Variants in SEL1L observed in about 807,000 individuals in gnomAD.
The protein encoded by SEL1L is protein sel-1 homolog 1.
A neutral mutation model predicts 109.8 loss-of-function variants in SEL1L; 52 were observed. The ratio of observed to expected loss-of-function variants is 0.47; its 90% CI spans 0.38 to 0.60. The LOEUF (loss-of-function observed/expected upper bound fraction) is 0.60. SEL1L is among the 20% of genes least tolerant of loss of function. SEL1L has a pLI of 0.00. For missense variants in SEL1L, 749 were observed against 962.2 expected (o/e 0.78, Z 2.93); for synonymous variants, 373 against 339.6 (o/e 1.10, Z -1.08).
intron 11 of SEL1L, among the ~76,000 whole-genome samples, chr14:81,493,871 C>T (rs1883639491): frequency 6.6e-6 from 1 of 152,220 alleles, no homozygotes; most frequent in Non-Finnish European, 1.5e-5. Context: ...AGATGTCACA[C>T]TCTCCTGGTT....
In SEL1L at chr14:81,517,539, C is replaced by G. The variant is rs183610927; in HGVS notation, c.340+9194G>C. On this transcript the variant is annotated intron_variant, in intron 3 of 20. Transcript: ENST00000336735. ...TTGCTACAATATCCTCCCCCACCTC[C>G]CTTCCTCCACTGCATTCCAGGATCT... is the stretch of plus-strand genomic sequence containing the variant. 3.3e-5 allele frequency among the ~76,000 whole-genome samples: 5 copies of G among 152,284 alleles called. No homozygotes were observed. The East Asian group carries it at 9.6e-4, about 29-fold the overall frequency.
intron 1 of SEL1L, among the ~76,000 whole-genome samples, chr14:81,533,457 T>C (rs539767111): frequency 6.6e-6 from 1 of 152,270 alleles, no homozygotes; most frequent in South Asian, 2.1e-4. Flanking sequence ...GAGAGAGGTG[T>C]GGGCAGGGTG....
intron 4 of SEL1L, 77 bp from the exon 5 acceptor site, chr14:81,504,383 G>A (rs952255368): frequency 4.9e-6 from 5 of 1,028,758 alleles, no homozygotes; most frequent in South Asian, 2.0e-5. Context: ...CTTTCTTTTG[G>A]GCAGTCATAC....
intron 3 of SEL1L, among the ~76,000 whole-genome samples, chr14:81,510,514 C>CTATATATATATATATATATATA (rs1555346599): frequency 9.6e-6 from 1 of 104,054 alleles, no homozygotes; most frequent in African/African-American, 3.4e-5. Context: ...CTCTCTCTCT[C>CTATATATATATATATATATATA]TATATATATA....
At chr14:81,531,505 T>C (rs770911807) in intron 1 of SEL1L, among the ~76,000 whole-genome samples, 6 of 152,212 alleles carry the variant, frequency 3.9e-5, no homozygotes, top group Non-Finnish European at 8.8e-5. Flanking sequence ...AAAATCACAA[T>C]TGAAAATCCA....
At chr14:81,521,041 T>A (rs1884888903) in intron 3 of SEL1L, among the ~76,000 whole-genome samples, 1 of 152,174 alleles carries the variant, frequency 6.6e-6, no homozygotes, top group South Asian at 2.1e-4. Context: ...TAATTTTATC[T>A]TTGAAAATAT....
intron 3 of SEL1L, among the ~76,000 whole-genome samples, chr14:81,512,930 G>A (rs757824965): frequency 1.3e-5 from 2 of 152,272 alleles, no homozygotes; most frequent in South Asian, 4.1e-4. Flanking sequence ...TGTGGCCCTC[G>A]GCTGCTATCT....
At chr14:81,505,945 G>A in intron 4 of SEL1L, 129 bp downstream of exon 4, 1 of 847,170 alleles carries the variant, frequency 1.2e-6, no homozygotes, top group Non-Finnish European at 1.8e-6. Flanking sequence ...ACTCTTTAAG[G>A]CTGTAATGAC....
chr14:81,486,488 A>G, intron 16 of SEL1L, 34 bp from the exon 17 acceptor site: 1 of 1,603,144 alleles, frequency 6.2e-7, no homozygotes, highest in Non-Finnish European at 8.5e-7. Flanking sequence ...TATCAGTAGA[A>G]GAAAATAAGA....
intron 20 of SEL1L, among the ~76,000 whole-genome samples, chr14:81,477,498 T>C (rs908456528): frequency 1.3e-5 from 2 of 152,062 alleles, no homozygotes; most frequent in Non-Finnish European, 2.9e-5. Flanking sequence ...CAGAAAATAT[T>C]TGGAAAACAA....
intron 20 of SEL1L, among the ~76,000 whole-genome samples, chr14:81,477,501 G>GAAAAC (rs746172290): frequency 1.8e-4 from 27 of 152,138 alleles, no homozygotes; most frequent in Admixed American, 1.3e-3. Context: ...AAAATATTTG[G>GAAAAC]AAAACAAAAC....
intron 11 of SEL1L, among the ~76,000 whole-genome samples, chr14:81,493,326 A>G (rs1296030669): frequency 6.6e-6 from 1 of 152,118 alleles, no homozygotes; most frequent in East Asian, 1.9e-4. Context: ...CCTGGCCAAT[A>G]TAGTGAAACT....
intron 6 of SEL1L, among the ~76,000 whole-genome samples, chr14:81,500,735 T>C (rs1018266295): frequency 6.6e-6 from 1 of 151,678 alleles, no homozygotes; most frequent in Non-Finnish European, 1.5e-5. Flanking sequence ...AGATATGAAT[T>C]ACCAAGATAA....
intron 4 of SEL1L, among the ~76,000 whole-genome samples, chr14:81,504,618 A>G (rs1884161649): frequency 6.6e-6 from 1 of 152,078 alleles, no homozygotes; most frequent in African/African-American, 2.4e-5. Flanking sequence ...TTCAACTAAA[A>G]TTTCAGATTA....
chr14:81,484,564 A>G, intron 18 of SEL1L, 167 bp from the exon 19 acceptor site: 1 of 611,554 alleles, frequency 1.6e-6, no homozygotes, highest in Non-Finnish European at 2.7e-6. Flanking sequence ...GTCCAGTAAA[A>G]ATTTAAACTA....
chr14:81,494,921 C>A lies in SEL1L; in HGVS notation c.1185+160G>T, dbSNP rs545731311. 5.3e-5 allele frequency among the ~76,000 whole-genome samples: 8 copies of A among 152,314 alleles called. No individual in the cohort carries two copies. The East Asian group carries it at 1.5e-3, about 29-fold the overall frequency. On this transcript the variant is annotated intron_variant, in intron 11 of 20. Coordinates refer to ENST00000336735, the MANE Select transcript of SEL1L (RefSeq NM_005065.6). Reference sequence around the variant, plus strand: ...CATAGTAGGTACTAATATTTGTATTCTTCAGCTTTCTTAGGGGTTGGTTAC... The same window carrying A: ...CATAGTAGGTACTAATATTTGTATTATTCAGCTTTCTTAGGGGTTGGTTAC...
At chr14:81,496,169 A>C (rs907967862) in intron 10 of SEL1L, among the ~76,000 whole-genome samples, 3 of 151,546 alleles carry the variant, frequency 2.0e-5, no homozygotes, top group Non-Finnish European at 4.4e-5. Context: ...TAAAAATACA[A>C]AAAAATTAGC....
chr14:81,521,819 A>T lies in SEL1L; in HGVS notation c.340+4914T>A, dbSNP rs527783030. On this transcript the variant is annotated intron_variant, in intron 3 of 20. Coordinates refer to ENST00000336735, the MANE Select transcript of SEL1L (RefSeq NM_005065.6). Reference sequence around the variant, plus strand: ...TAAAAAAAAAAGTTAACTGTAAAACAGCATTAGGTGTGTCCTTCAGGAAGT... The same window carrying T: ...TAAAAAAAAAAGTTAACTGTAAAACTGCATTAGGTGTGTCCTTCAGGAAGT... 4.6e-5 allele frequency among the ~76,000 whole-genome samples: 7 copies of T among 152,320 alleles called. No individual in the cohort carries two copies. The East Asian group carries it at 1.3e-3, about 29-fold the overall frequency.
chr14:81,484,985 G>C (rs186345794), intron 18 of SEL1L, among the ~76,000 whole-genome samples: 1 of 152,134 alleles, frequency 6.6e-6, no homozygotes, highest in African/African-American at 2.4e-5. Context: ...GTTTGGAGAA[G>C]GGAACAGGCA....
Sources: allele counts gnomAD v4.1 joint callset (sites outside exome capture counted in the v4.1 genomes callset), GRCh38; gene constraint gnomAD v4.1.1; transcripts MANE v1.5; gene names NCBI Gene and HGNC (gene_info 2026-07-23, HGNC 2026-07-21).